Variants in PDE6H observed in about 807,000 individuals in gnomAD.
PDE6H encodes the protein retinal cone rhodopsin-sensitive cGMP 3',5'-cyclic phosphodiesterase subunit gamma.
Under a neutral mutation model 9.2 loss-of-function variants are expected in PDE6H, and 11 were observed. The ratio of observed to expected loss-of-function variants is 1.19; its 90% CI spans 0.75 to 1.97. The LOEUF (loss-of-function observed/expected upper bound fraction) is 1.97. Ranked by LOEUF, PDE6H falls within the 30% of genes most tolerant of loss-of-function variation. The pLI is 0.00. For synonymous variants in PDE6H, 36 were observed against 33.6 expected, an observed-to-expected ratio of 1.07 and a Z score of -0.25; for missense variants, 98 against 101.5, an observed-to-expected ratio of 0.97 and a Z score of 0.15.
At chr12:14,978,247 C>T in intron 2 of PDE6H, 101 bp downstream of exon 2, 2 of 1,028,104 alleles carry the variant, frequency 1.9e-6, no homozygotes, top group Non-Finnish European at 1.5e-6. Context: ...AACAGACTTA[C>T]AAAAATTTCC....
At chr12:14,975,833 T>C (rs1214532909) in intron 1 of PDE6H, among the ~76,000 whole-genome samples, 93 of 150,906 alleles carry the variant, frequency 6.2e-4, no homozygotes, top group African/African-American at 2.0e-3. Context: ...TTGTTTTTTT[T>C]TTTTGGAGAC....
rs374374234 is a variant in PDE6H at position 14,980,981 on chromosome 12, G to T, written c.176-419G>T. 2.6e-5 allele frequency among the ~76,000 whole-genome samples: 4 copies of T among 152,230 alleles called. No homozygotes were observed. In the South Asian group the frequency reaches 8.3e-4, roughly 31 times the overall value. On this transcript the variant is annotated intron_variant, in intron 3 of 3. Transcript: ENST00000266395. ...TAGAAGAACAATTAGAGAAGAAACCGATCTAGATTGGTAGGGAAGACTATG... is the reference window on the plus strand; with the variant it reads ...TAGAAGAACAATTAGAGAAGAAACCTATCTAGATTGGTAGGGAAGACTATG...
chr12:14,974,917 T>A (rs186090948), intron 1 of PDE6H, among the ~76,000 whole-genome samples: 45 of 152,396 alleles, frequency 3.0e-4, no homozygotes, highest in Non-Finnish European at 6.0e-4. Context: ...ATATTTGCCC[T>A]TTTTGAACAC....
At chr12:14,981,186 G>A (rs529100437) in intron 3 of PDE6H, among the ~76,000 whole-genome samples, 108 of 152,344 alleles carry the variant, frequency 7.1e-4, no homozygotes, top group African/African-American at 2.2e-3. Context: ...TCCCCAAAGA[G>A]GAAGCAGAAT....
intron 1 of PDE6H, among the ~76,000 whole-genome samples, chr12:14,975,793 T>G (rs1864583286): frequency 6.6e-6 from 1 of 151,596 alleles, no homozygotes; most frequent in South Asian, 2.1e-4. Flanking sequence ...AGGTTTACAG[T>G]ATTTGTTCAA....
In PDE6H at chr12:14,977,997, C is replaced by G; in HGVS notation, c.-16C>G. On this transcript the variant is annotated 5_prime_UTR_variant, in exon 2 of 4. Transcript: ENST00000266395. Reference sequence around the variant, plus strand: ...GAGGCTGAAAGGGAAACATCAGCCGCCCGGGGGGAGTTAAAATGAGTGACA... The same window carrying G: ...GAGGCTGAAAGGGAAACATCAGCCGGCCGGGGGGAGTTAAAATGAGTGACA... 1 of 1,612,912 alleles carries G rather than the reference C, an allele frequency of 6.2e-7. No individual in the cohort carries two copies. Among genetic ancestry groups the G allele is most frequent in the Admixed American group, 1.7e-5 (1 of 59,996 alleles).
chr12:14,981,495 A>T lies in PDE6H; in HGVS notation c.*19A>T. 6.4e-7 allele frequency: 1 copy of T among 1,568,326 alleles called. No homozygotes were observed. The highest frequency in any genetic ancestry group is 8.8e-7 in the Non-Finnish European group (1 of 1,138,286). On this transcript the variant is annotated 3_prime_UTR_variant, in exon 4 of 4. Coordinates refer to ENST00000266395, the MANE Select transcript of PDE6H (RefSeq NM_006205.3). ...TATCTGAAGTGCCAGAGGTTCTGCC[A>T]CTCTCAATGACATCTGCTGTAATTT...
rs1864684306 is a variant in PDE6H, at chr12:14,981,509, C to A, written c.*33C>A. On this transcript the variant is annotated 3_prime_UTR_variant, in exon 4 of 4. Coordinates refer to ENST00000266395, the MANE Select transcript of PDE6H (RefSeq NM_006205.3). ...GAGGTTCTGCCACTCTCAATGACAT[C>A]TGCTGTAATTTTGGTTGCTTTTGCC... 1.3e-6 allele frequency: 2 copies of A among 1,512,828 alleles called. No homozygotes were observed. Among genetic ancestry groups the A allele is most frequent in the African/African-American group, 1.4e-5 (1 of 72,934 alleles). 93.7% of individuals were successfully genotyped at this position (1,512,828 alleles called of 1,614,324 possible). A position where few individuals can be genotyped will look rare whatever the true frequency, so the allele number is the denominator to read the frequency against.
chr12:14,975,765 G>T (rs1864582944), intron 1 of PDE6H, among the ~76,000 whole-genome samples: 1 of 151,718 alleles, frequency 6.6e-6, no homozygotes, highest in Non-Finnish European at 1.5e-5. Flanking sequence ...AAGTCAAAGG[G>T]TCAGGATCTC....
intron 2 of PDE6H, among the ~76,000 whole-genome samples, chr12:14,978,648 T>C (rs1054827826): frequency 2.0e-5 from 3 of 152,222 alleles, no homozygotes; most frequent in Non-Finnish European, 4.4e-5. Flanking sequence ...ATTACTTTCA[T>C]GTTTGCATTT....
intron 1 of PDE6H, among the ~76,000 whole-genome samples, chr12:14,976,356 T>A (rs541067500): frequency 7.9e-5 from 12 of 152,166 alleles, no homozygotes; most frequent in African/African-American, 2.2e-4. Context: ...AGAATTTAAA[T>A]AAGAGAAAAA....
In PDE6H at chr12:14,979,201, A is replaced by G. The variant is rs1403477652; in HGVS notation, c.157A>G (p.Met53Val). The change falls in exon 3 of 4, where the codon ATG becomes GTG. Residue 53 changes from methionine to valine, a missense_variant. Transcript: ENST00000266395. ...VKGFGDDIPG[M>V]EGLGTDITVI... is the part of the protein sequence containing the mutation. ...TAGATTTGGAGATGACATTCCAGGA[A>G]TGGAGGGGCTAGGAACAGGTAAGCC... 1 of 1,609,602 alleles carries G rather than the reference A, an allele frequency of 6.2e-7. No homozygotes were observed. Among genetic ancestry groups the G allele is most frequent in the Admixed American group, 1.7e-5 (1 of 60,012 alleles).
At chr12:14,974,192 C>T (rs1864559769) in intron 1 of PDE6H, among the ~76,000 whole-genome samples, 1 of 152,182 alleles carries the variant, frequency 6.6e-6, no homozygotes, top group African/African-American at 2.4e-5. Context: ...AAAATCAAGT[C>T]TGATAATACA....
chr12:14,978,371 G>C (rs946964710), intron 2 of PDE6H, among the ~76,000 whole-genome samples: 3 of 152,176 alleles, frequency 2.0e-5, no homozygotes, highest in East Asian at 3.8e-4. Context: ...ATGGCAAATA[G>C]AGGCTTTTTA....
intron 3 of PDE6H, among the ~76,000 whole-genome samples, chr12:14,979,805 T>A (rs1054495164): frequency 6.6e-6 from 1 of 152,206 alleles, no homozygotes; most frequent in Non-Finnish European, 1.5e-5. Context: ...ATTTTTTAAA[T>A]TAATAGACTT....
At position 14,981,819 on chromosome 12, in the gene PDE6H, T is replaced by C. The variant is rs1399483598; in HGVS notation, c.*343T>C. The C allele has an allele frequency of 5.3e-6, 2 of 377,572 alleles. No individual in the cohort carries two copies. Among genetic ancestry groups the C allele is most frequent in the African/African-American group, 4.1e-5 (2 of 48,232 alleles). 23.4% of individuals were successfully genotyped at this position (377,572 alleles called of 1,614,324 possible). ...GTAGACTTTTAAGACAACATTTATGTCACTCCCCACCTCCTCATATTTAAT... is the reference window on the plus strand; with the variant it reads ...GTAGACTTTTAAGACAACATTTATGCCACTCCCCACCTCCTCATATTTAAT... On this transcript the variant is annotated 3_prime_UTR_variant, in exon 4 of 4. Coordinates refer to ENST00000266395, the MANE Select transcript of PDE6H (RefSeq NM_006205.3).
chr12:14,977,999 C>G lies in PDE6H; in HGVS notation c.-14C>G, dbSNP rs377394177. ...GGCTGAAAGGGAAACATCAGCCGCC[C>G]GGGGGGAGTTAAAATGAGTGACAAC... is the stretch of plus-strand genomic sequence containing the variant. On this transcript the variant is annotated 5_prime_UTR_variant, in exon 2 of 4. Coordinates refer to ENST00000266395, the MANE Select transcript of PDE6H (RefSeq NM_006205.3). The G allele has an allele frequency of 6.2e-7, 1 of 1,612,608 alleles. No homozygotes were observed. Among genetic ancestry groups the G allele is most frequent in the African/African-American group, 1.3e-5 (1 of 74,796 alleles).
chr12:14,977,928 C>T lies in PDE6H; in HGVS notation c.-41-44C>T, dbSNP rs1864620026. Reference sequence around the variant, plus strand: ...TAAAGATCTAATAACCAATGGTCCCCATGACTTGAAAGATCTTCTTTTTTT... The same window carrying T: ...TAAAGATCTAATAACCAATGGTCCCTATGACTTGAAAGATCTTCTTTTTTT... On this transcript the variant is annotated intron_variant, in intron 1 of 3. Transcript: ENST00000266395. 4 of 1,342,534 alleles carry T rather than the reference C, an allele frequency of 3.0e-6. No individual in the cohort carries two copies. The South Asian group carries it at 3.6e-5, about 12-fold the overall frequency. The allele number at this position is 1,342,534 out of a possible 1,614,324, so 83.2% of individuals were successfully genotyped here. A position where few individuals can be genotyped will look rare whatever the true frequency, so the allele number is the denominator to read the frequency against.
intron 1 of PDE6H, among the ~76,000 whole-genome samples, chr12:14,973,502 G>T (rs1034072452): frequency 1.3e-5 from 2 of 152,160 alleles, no homozygotes; most frequent in African/African-American, 4.8e-5. Flanking sequence ...AGGAAAAGGA[G>T]AAGGGGAGCT....
Sources: allele counts gnomAD v4.1 joint callset (sites outside exome capture counted in the v4.1 genomes callset), GRCh38; gene constraint gnomAD v4.1.1; transcripts MANE v1.5; gene names NCBI Gene and HGNC (gene_info 2026-07-23, HGNC 2026-07-21).